Variants in RBFOX3 observed in about 807,000 individuals in gnomAD.
RBFOX3 encodes RNA binding protein fox-1 homolog 3.
A neutral mutation model predicts 48.7 loss-of-function variants in RBFOX3; 17 were observed. The ratio of observed to expected loss-of-function variants is 0.35; its 90% CI spans 0.24 to 0.52. The LOEUF is 0.52. Among genes scored for constraint, RBFOX3 ranks in the 20% least tolerant of loss-of-function variants. The pLI, the probability that RBFOX3 is intolerant of heterozygous loss-of-function variation, is 0.94. For synonymous variants in RBFOX3, 212 were observed against 209.5 expected (o/e 1.01, Z -0.10); for missense variants, 382 against 497.5 (o/e 0.77, Z 2.21).
intron 1 of RBFOX3, among the ~76,000 whole-genome samples, chr17:79,492,299 C>G (rs201492479): frequency 1.3e-5 from 2 of 152,296 alleles, no homozygotes; most frequent in East Asian, 3.9e-4. Flanking sequence ...GGTGCCCAGA[C>G]ACCCCCTGGT....
intron 2 of RBFOX3, among the ~76,000 whole-genome samples, chr17:79,425,770 C>T (rs1319773444): frequency 6.6e-6 from 1 of 152,014 alleles, no homozygotes; most frequent in Non-Finnish European, 1.5e-5. Flanking sequence ...AGATTGGGGG[C>T]CCGGGGGTTC....
At chr17:79,468,533 G>C (rs1177800857) in intron 2 of RBFOX3, among the ~76,000 whole-genome samples, 1 of 152,130 alleles carries the variant, frequency 6.6e-6, no homozygotes, top group Non-Finnish European at 1.5e-5. Context: ...AGATAGATCG[G>C]TAGCAGATAG....
chr17:79,480,313 C>T lies in RBFOX3; in HGVS notation c.-175+2141G>A, dbSNP rs1598878944. Among the ~76,000 whole-genome samples, 2 of 152,132 alleles carry T rather than the reference C, an allele frequency of 1.3e-5. No individual in the cohort carries two copies. The highest frequency in any genetic ancestry group is 1.9e-4 in the East Asian group (1 of 5,180). On this transcript the variant is annotated intron_variant, in intron 2 of 14. Transcript: ENST00000693108. This position sits in a 1 kb window ranked among gnomAD's most constrained non-coding sequence, Gnocchi z 4.8. ...TATCTCAGACATGGGCCCAGATCCA[C>T]CACTCCTCTCCTCCCGGGTCCATGG...
chr17:79,211,582 C>G (rs2058385123), intron 4 of RBFOX3, among the ~76,000 whole-genome samples: 1 of 152,184 alleles, frequency 6.6e-6, no homozygotes, highest in South Asian at 2.1e-4. Flanking sequence ...CTGGGAGAGC[C>G]CTGCTACTCA....
chr17:79,140,660 T>G (rs2041737850), intron 4 of RBFOX3, among the ~76,000 whole-genome samples: 2 of 152,250 alleles, frequency 1.3e-5, no homozygotes, highest in Non-Finnish European at 2.9e-5. Flanking sequence ...CACAGAGCTT[T>G]AGTCTCCTAG....
intron 1 of RBFOX3, among the ~76,000 whole-genome samples, chr17:79,537,993 C>G (rs2089110758): frequency 6.6e-6 from 1 of 152,154 alleles, no homozygotes; most frequent in South Asian, 2.1e-4. Context: ...GGGTTGGGGG[C>G]AGGGGTGCTG....
upstream of RBFOX3, among the ~76,000 whole-genome samples, chr17:79,614,645 G>T (rs2093987272): frequency 6.6e-6 from 1 of 152,188 alleles, no homozygotes. Flanking sequence ...TCCTCCCAGA[G>T]ATCAGAGGAG....
chr17:79,463,449 C>A (rs1228690409), intron 2 of RBFOX3, among the ~76,000 whole-genome samples: 1 of 143,544 alleles, frequency 7.0e-6, no homozygotes, highest in African/African-American at 2.6e-5. Context: ...GCCACTGCCA[C>A]CTCCACCGCC....
At chr17:79,655,368 C>G in the RBFOX3 span, among the ~76,000 whole-genome samples, 4 of 152,174 alleles carry the variant, frequency 2.6e-5, no homozygotes, top group South Asian at 4.1e-4. Flanking sequence ...TTCCCACCCC[C>G]CAGAGCCATC....
At chr17:79,388,886 C>T (rs1175073549) in intron 2 of RBFOX3, among the ~76,000 whole-genome samples, 1 of 152,246 alleles carries the variant, frequency 6.6e-6, no homozygotes, top group Non-Finnish European at 1.5e-5. Flanking sequence ...GATCACCATC[C>T]TCTCCCAGCG....
chr17:79,160,127 T>C (rs1217235487), intron 4 of RBFOX3, among the ~76,000 whole-genome samples: 2 of 152,238 alleles, frequency 1.3e-5, no homozygotes, highest in African/African-American at 4.8e-5. Flanking sequence ...GGGATTCTCC[T>C]GAGATCTGTG....
chr17:79,261,359 GTC>G (rs1185289115), intron 3 of RBFOX3, among the ~76,000 whole-genome samples: 1 of 152,218 alleles, frequency 6.6e-6, no homozygotes, highest in Non-Finnish European at 1.5e-5. Flanking sequence ...CATGCACAGG[GTC>G]TCTTTCTTTT....
At chr17:79,096,121 G>A (rs981160851) in intron 12 of RBFOX3, among the ~76,000 whole-genome samples, 2 of 152,208 alleles carry the variant, frequency 1.3e-5, no homozygotes, top group Non-Finnish European at 2.9e-5. Context: ...GTAGGCAGCT[G>A]CCCAGGACTG....
At chr17:79,463,838 A>G (rs1405004195) in intron 2 of RBFOX3, among the ~76,000 whole-genome samples, 1 of 110,476 alleles carries the variant, frequency 9.1e-6, no homozygotes, top group African/African-American at 3.7e-5. Flanking sequence ...CACTGCCACC[A>G]CCACCATTGC....
In RBFOX3 at chr17:79,242,488, T is replaced by G. The variant is rs563236343; in HGVS notation, c.-73-6683A>C. 5.3e-5 allele frequency among the ~76,000 whole-genome samples: 8 copies of G among 152,210 alleles called. No homozygotes were observed. In the South Asian group the frequency reaches 1.7e-3, roughly 32 times the overall value. The stretch of plus-strand genomic sequence containing the variant: ...TCAGAGCAGGAGAGCCACATCTATT[T>G]AATGTGATGTTTTCCTCCTTCTTCT... On this transcript the variant is annotated intron_variant, in intron 3 of 14. Transcript: ENST00000693108. The surrounding 1 kb of genome is among the most constrained non-coding windows in gnomAD (Gnocchi z 5.8).
intron 2 of RBFOX3, among the ~76,000 whole-genome samples, chr17:79,457,149 C>T (rs531646044): frequency 6.6e-6 from 1 of 152,350 alleles, no homozygotes; most frequent in South Asian, 2.1e-4. Flanking sequence ...GCCCTACTTC[C>T]TGGTCCCCTG....
intron 2 of RBFOX3, among the ~76,000 whole-genome samples, chr17:79,324,843 G>A (rs2079068198): frequency 6.6e-6 from 1 of 152,250 alleles, no homozygotes; most frequent in Non-Finnish European, 1.5e-5. Context: ...CCTCTGGGCA[G>A]GCAGAGAAGC....
At chr17:79,646,140 G>A in the RBFOX3 span, among the ~76,000 whole-genome samples, 13 of 152,014 alleles carry the variant, frequency 8.6e-5, no homozygotes, top group Admixed American at 7.2e-4. Context: ...AAGACACCGT[G>A]ATCTGTCATG....
chr17:79,492,483 T>C (rs2149614780), intron 1 of RBFOX3, among the ~76,000 whole-genome samples: 1 of 152,308 alleles, frequency 6.6e-6, no homozygotes, highest in African/African-American at 2.4e-5. Context: ...AGAGGCCACC[T>C]GGAGAGGAAC....
Sources: allele counts gnomAD v4.1 joint callset (sites outside exome capture counted in the v4.1 genomes callset), GRCh38; gene constraint gnomAD v4.1.1; non-coding constraint Gnocchi (gnomAD v3.1); transcripts MANE v1.5; gene names NCBI Gene and HGNC (gene_info 2026-07-23, HGNC 2026-07-21).